Variants in FCHSD1 observed in about 807,000 individuals in gnomAD.
FCHSD1 encodes F-BAR and double SH3 domains protein 1.
Under a neutral mutation model 101.3 loss-of-function variants are expected in FCHSD1, and 109 were observed. The ratio of observed to expected loss-of-function variants is 1.08; its 90% confidence interval spans 0.92 to 1.26. FCHSD1 has a LOEUF of 1.26. Among genes scored for constraint, FCHSD1 ranks in the 50% most tolerant of loss-of-function variants. The pLI, the probability that FCHSD1 is intolerant of heterozygous loss-of-function variation, is 0.00. For missense variants in FCHSD1, 820 were observed against 895.8 expected, an observed-to-expected ratio of 0.92 and a Z score of 1.08; for synonymous variants, 291 against 356.8, an observed-to-expected ratio of 0.82 and a Z score of 2.08.
In FCHSD1 at chr5:141,645,918, C is replaced by T; in HGVS notation, c.1164G>A (p.Lys388=). The change falls in exon 13 of 20, where the codon AAG becomes AAA. Residue 388 remains lysine (K), a synonymous_variant. Transcript: ENST00000435817. ...SIRRAQVSQV[K]GAARLALLQG... is the part of the protein sequence containing the mutation. ...GCAGCAGGGCCAGCCGGGCAGCCCC[C>T]TTCACCTGGCTCACCTGCCATGGGG... The T allele has an allele frequency of 6.4e-7, 1 of 1,567,668 alleles. No homozygotes were observed. Among genetic ancestry groups the T allele is most frequent in the East Asian group, 2.4e-5 (1 of 42,240 alleles).
At chr5:141,644,751 C>T (rs543665295) in intron 15 of FCHSD1, 61 bp from the exon 16 acceptor site, 2 of 1,608,130 alleles carry the variant, frequency 1.2e-6, no homozygotes, top group Middle Eastern at 1.6e-4. Context: ...GACCCTGGCT[C>T]TCTTCTACTC....
Position 141,640,631 on chromosome 5 carries a change from T to G in FCHSD1, c.*867A>C, listed in dbSNP as rs576935504. 23 of 1,539,284 alleles carry G rather than the reference T, an allele frequency of 1.5e-5. No individual in the cohort carries two copies. In the African/African-American group the frequency reaches 2.6e-4, roughly 17 times the overall value. On this transcript the variant is annotated 3_prime_UTR_variant, in exon 20 of 20. Coordinates refer to ENST00000435817, the MANE Select transcript of FCHSD1 (RefSeq NM_033449.3). Reference sequence around the variant, plus strand: ...CCCAGGGGAAAAGCTGGACACAGCTTGAACAGGAAGCAACAGTGTTATTCT... The same window carrying G: ...CCCAGGGGAAAAGCTGGACACAGCTGGAACAGGAAGCAACAGTGTTATTCT...
At chr5:141,647,619 G>C in intron 8 of FCHSD1, 99 bp from the exon 9 acceptor site, 1 of 1,544,044 alleles carries the variant, frequency 6.5e-7, no homozygotes, top group South Asian at 1.2e-5. Context: ...ATGAGGTATA[G>C]GAAGGAGAGA....
intron 18 of FCHSD1, chr5:141,642,733 CTCA>C: frequency 1.8e-6 from 1 of 544,488 alleles, no homozygotes; most frequent in South Asian, 2.4e-5. Context: ...TTTTTTAACT[CTCA>C]TAAGAATTCA....
In FCHSD1 at chr5:141,640,926, T is replaced by C. The variant is rs760999279; in HGVS notation, c.*572A>G. On this transcript the variant is annotated 3_prime_UTR_variant, in exon 20 of 20. Coordinates refer to ENST00000435817, the MANE Select transcript of FCHSD1 (RefSeq NM_033449.3). ...GCTCCATATGATAGAGCGTGGCAGC[T>C]GGGAGCAGGCCCCTGCCCGTGGTGG... The C allele has an allele frequency of 8.7e-4, 465 of 532,384 alleles. 1 individual carries two copies. Among genetic ancestry groups the C allele is most frequent in the Non-Finnish European group, 1.2e-3 (356 of 301,696 alleles). 33.0% of individuals were successfully genotyped at this position (532,384 alleles called of 1,614,324 possible).
At position 141,641,511 on chromosome 5, in the gene FCHSD1, T is replaced by C; in HGVS notation, c.2060A>G (p.Asp687Gly). Reference protein sequence around the residue: ...PAKAPDPGHPDPLT With the variant: ...PAKAPDPGHPGPLT ...CTTCCCTGGCCTTCAGGTGAGGGGA[T>C]CTGGGTGGCCAGGATCCGGGGCTTT... The change falls in exon 20 of 20, where the codon GAT becomes GGT. Residue 687 changes from aspartate to glycine, a missense_variant. Asp to Gly is a moderately conservative substitution (Grantham distance 94). Coordinates refer to ENST00000435817, the MANE Select transcript of FCHSD1 (RefSeq NM_033449.3). 1 of 1,503,766 alleles carries C rather than the reference T, an allele frequency of 6.6e-7. No homozygotes were observed. The highest frequency in any genetic ancestry group is 1.4e-5 in the African/African-American group (1 of 71,794). 93.2% of individuals were successfully genotyped at this position (1,503,766 alleles called of 1,614,324 possible). A position where few individuals can be genotyped will look rare whatever the true frequency, so the allele number is the denominator to read the frequency against.
intron 2 of FCHSD1, 48 bp downstream of exon 2, chr5:141,650,972 C>T: frequency 1.3e-6 from 2 of 1,507,888 alleles, no homozygotes; most frequent in Non-Finnish European, 9.0e-7. Context: ...GGAGAAGTGG[C>T]GCACAACGAC....
rs140243622 is a variant in FCHSD1, at chr5:141,639,456, C to T, written c.*2042G>A. ...GTTACCCTCACTCCCCTCCTCCCTG[C>T]TGTCCAGTGTGGATGCCACCTCCAG... On this transcript the variant is annotated 3_prime_UTR_variant, in exon 20 of 20. Transcript: ENST00000435817. The surrounding 1 kb of genome is among the most constrained non-coding windows in gnomAD (Gnocchi z 4.4). The T allele has an allele frequency of 3.3e-4, 525 of 1,600,704 alleles. No individual in the cohort carries two copies. In the African/African-American group the frequency reaches 6.0e-3, roughly 18 times the overall value.
chr5:141,640,524 T>G lies in FCHSD1; in HGVS notation c.*974A>C. On this transcript the variant is annotated 3_prime_UTR_variant, in exon 20 of 20. Coordinates refer to ENST00000435817, the MANE Select transcript of FCHSD1 (RefSeq NM_033449.3). Reference sequence around the variant, plus strand: ...AAACTATTTAAGCCTTTCGGCTCCCTGAACCCCCCGAGTAAACTGCAGGCT... The same window carrying G: ...AAACTATTTAAGCCTTTCGGCTCCCGGAACCCCCCGAGTAAACTGCAGGCT... 1.2e-6 allele frequency: 2 copies of G among 1,608,162 alleles called. No individual in the cohort carries two copies. Among genetic ancestry groups the G allele is most frequent in the Non-Finnish European group, 1.7e-6 (2 of 1,176,632 alleles).
chr5:141,650,725 G>A (rs1401470422), intron 2 of FCHSD1, among the ~76,000 whole-genome samples: 1 of 152,018 alleles, frequency 6.6e-6, no homozygotes, highest in African/African-American at 2.4e-5. Context: ...AGGTCTGGAA[G>A]AGGGAGAGGG....
chr5:141,649,643 C>G lies in FCHSD1; in HGVS notation c.234-107G>C, dbSNP rs1316637844. 1 of 1,432,112 alleles carries G rather than the reference C, an allele frequency of 7.0e-7. No individual in the cohort carries two copies. The highest frequency in any genetic ancestry group is 1.4e-5 in the African/African-American group (1 of 70,186). The allele number at this position is 1,432,112 out of a possible 1,614,324, so 88.7% of individuals were successfully genotyped here. ...CACCATGGGAGACAGAGTGCTTTCC[C>G]ATCCTCCCTTGTCTGGGAGCCCATC... is the stretch of plus-strand genomic sequence containing the variant. On this transcript the variant is annotated intron_variant, in intron 4 of 19. Coordinates refer to ENST00000435817, the MANE Select transcript of FCHSD1 (RefSeq NM_033449.3). The surrounding 1 kb of genome is among the most constrained non-coding windows in gnomAD (Gnocchi z 4.1).
In FCHSD1 at chr5:141,639,974, C is replaced by T. The variant is rs771805856; in HGVS notation, c.*1524G>A. The stretch of plus-strand genomic sequence containing the variant: ...ATGGACTGCACGAACACCGTGATGG[C>T]TCCCCCACAGACAGGAGCTGGGGCT... On this transcript the variant is annotated 3_prime_UTR_variant, in exon 20 of 20. Coordinates refer to ENST00000435817, the MANE Select transcript of FCHSD1 (RefSeq NM_033449.3). This position sits in a 1 kb window ranked among gnomAD's most constrained non-coding sequence, Gnocchi z 4.4. 7.4e-5 allele frequency: 120 copies of T among 1,613,812 alleles called. No individual in the cohort carries two copies. The highest frequency in any genetic ancestry group is 6.6e-4 in the Middle Eastern group (4 of 6,082).
rs1262627643 is a variant in FCHSD1, at chr5:141,651,406, A to C, written c.-38T>G. On this transcript the variant is annotated 5_prime_UTR_variant, in exon 1 of 20. Transcript: ENST00000435817. ...AAGGCGGTCAGCCACTGGACTCCGG[A>C]ACTGGAGGAAGCCCCGCCCACTATG... The C allele has an allele frequency of 1.9e-6, 3 of 1,550,400 alleles. No individual in the cohort carries two copies. The African/African-American group carries it at 4.1e-5, about 21-fold the overall frequency.
chr5:141,639,606 A>C lies in FCHSD1; in HGVS notation c.*1892T>G. The C allele has an allele frequency of 6.2e-7, 1 of 1,613,506 alleles. No homozygotes were observed. Among genetic ancestry groups the C allele is most frequent in the Non-Finnish European group, 8.5e-7 (1 of 1,179,898 alleles). ...TCAGGGACGCTCCAAGGAAGGAAAAAGCCGCCCCCGGACAGGGGAGACCAC... is the reference window on the plus strand; with the variant it reads ...TCAGGGACGCTCCAAGGAAGGAAAACGCCGCCCCCGGACAGGGGAGACCAC... On this transcript the variant is annotated 3_prime_UTR_variant, in exon 20 of 20. Coordinates refer to ENST00000435817, the MANE Select transcript of FCHSD1 (RefSeq NM_033449.3). The surrounding 1 kb of genome is among the most constrained non-coding windows in gnomAD (Gnocchi z 4.4).
chr5:141,648,013 G>C lies in FCHSD1; in HGVS notation c.660C>G (p.Ala220=). ...EYLLNLVATN[A]HLDHYYQEEL... ...CCTCCTGGTAGTAATGGTCGAGGTG[G>C]GCATTGGTAGCCACCAAGTTAAGCA... is the stretch of plus-strand genomic sequence containing the variant. The change falls in exon 8 of 20, where the codon GCC becomes GCG. Residue 220 remains alanine (A), a synonymous_variant. Coordinates refer to ENST00000435817, the MANE Select transcript of FCHSD1 (RefSeq NM_033449.3). The C allele has an allele frequency of 6.2e-7, 1 of 1,613,438 alleles. No homozygotes were observed. Among genetic ancestry groups the C allele is most frequent in the Non-Finnish European group, 8.5e-7 (1 of 1,179,670 alleles).
Position 141,640,617 on chromosome 5 carries a change from A to G in FCHSD1, c.*881T>C. On this transcript the variant is annotated 3_prime_UTR_variant, in exon 20 of 20. Transcript: ENST00000435817. ...GAAGGTCCTGGAGCCCCAGGGGAAA[A>G]GCTGGACACAGCTTGAACAGGAAGC... The G allele has an allele frequency of 6.5e-7, 1 of 1,539,522 alleles. No individual in the cohort carries two copies. The highest frequency in any genetic ancestry group is 8.7e-7 in the Non-Finnish European group (1 of 1,144,574).
At position 141,639,611 on chromosome 5, in the gene FCHSD1, C is replaced by T; in HGVS notation, c.*1887G>A. On this transcript the variant is annotated 3_prime_UTR_variant, in exon 20 of 20. Transcript: ENST00000435817. This position sits in a 1 kb window ranked among gnomAD's most constrained non-coding sequence, Gnocchi z 4.4. ...GACGCTCCAAGGAAGGAAAAAGCCG[C>T]CCCCGGACAGGGGAGACCACTGTGT... 6.2e-7 allele frequency: 1 copy of T among 1,613,178 alleles called. No homozygotes were observed. Among genetic ancestry groups the T allele is most frequent in the South Asian group, 1.1e-5 (1 of 91,012 alleles).
At chr5:141,642,840 G>T (rs761753319) in intron 18 of FCHSD1, 161 bp downstream of exon 18, 621 of 630,454 alleles carry the variant, frequency 9.9e-4, no homozygotes, top group South Asian at 1.1e-3. Flanking sequence ...TGACAGAGCG[G>T]GACCTGAACC....
At chr5:141,647,068 A>G in intron 10 of FCHSD1, 67 bp downstream of exon 10, 1 of 1,408,276 alleles carries the variant, frequency 7.1e-7, no homozygotes, top group South Asian at 1.3e-5. Context: ...AACAAAGATA[A>G]TGGAGGAGGC....
Sources: gnomAD v4.1 joint callset for allele counts (sites outside exome capture counted in the v4.1 genomes callset) on GRCh38, gnomAD v4.1.1 for gene constraint, Gnocchi (gnomAD v3.1) non-coding constraint, MANE v1.5 for transcripts, NCBI Gene and HGNC (gene_info 2026-07-23, HGNC 2026-07-21) for gene names.